The following FHIT variants were observed in gnomAD, a reference collection of about 807,000 sequenced individuals.
The protein encoded by FHIT is bis(5'-adenosyl)-triphosphatase.
FHIT carries 19 observed loss-of-function variants against 17.9 expected under a neutral mutation model. The ratio of observed to expected loss-of-function variants is 1.06; its 90% CI spans 0.74 to 1.56. FHIT has a LOEUF of 1.56. Ranked by LOEUF, FHIT falls within the 40% of genes most tolerant of loss-of-function variation. The pLI is 0.00. For synonymous variants in FHIT, 81 were observed against 69.7 expected (o/e 1.16, Z -0.81); for missense variants, 248 against 189.2 (o/e 1.31, Z -1.82).
intron 4 of FHIT, among the ~76,000 whole-genome samples, chr3:60,705,638 T>C (rs1243904002): frequency 3.3e-5 from 5 of 152,240 alleles, no homozygotes; most frequent in Non-Finnish European, 7.3e-5. Flanking sequence ...AAATTCATGG[T>C]TTCCAGTAAA....
At chr3:60,396,064 G>C (rs540051769) in intron 5 of FHIT, among the ~76,000 whole-genome samples, 4 of 152,112 alleles carry the variant, frequency 2.6e-5, no homozygotes, top group Non-Finnish European at 5.9e-5. Flanking sequence ...ACACTAGCTG[G>C]GGCTGATACC....
intron 2 of FHIT, among the ~76,000 whole-genome samples, chr3:61,095,568 G>T (rs180759685): frequency 6.6e-6 from 1 of 152,088 alleles, no homozygotes; most frequent in Admixed American, 6.6e-5. Context: ...TGACTCTGTA[G>T]GCATTTGCCA....
intron 4 of FHIT, among the ~76,000 whole-genome samples, chr3:60,820,480 A>G (rs1225588385): frequency 1.3e-5 from 2 of 152,242 alleles, no homozygotes; most frequent in Admixed American, 1.3e-4. Flanking sequence ...CTAAACAGGC[A>G]GGTGACCTGC....
chr3:60,514,068 C>T (rs1220994581), intron 5 of FHIT, among the ~76,000 whole-genome samples: 1 of 152,186 alleles, frequency 6.6e-6, no homozygotes, highest in Non-Finnish European at 1.5e-5. Flanking sequence ...AGCTCCCCAT[C>T]CTGCTGAGAT....
At chr3:60,946,692 G>C (rs1327893263) in intron 3 of FHIT, among the ~76,000 whole-genome samples, 1 of 152,114 alleles carries the variant, frequency 6.6e-6, no homozygotes, top group Admixed American at 6.5e-5. Flanking sequence ...CGGAGGAAGA[G>C]AAAAGGAACT....
rs146653652 is a variant in FHIT, at chr3:60,739,455, A to G, written c.-18+82464T>C. Among the ~76,000 whole-genome samples, 25 of 152,234 alleles carry G rather than the reference A, an allele frequency of 1.6e-4. No homozygotes were observed. In the East Asian group the frequency reaches 4.8e-3, roughly 29 times the overall value. Reference sequence around the variant, plus strand: ...CCATCTGTGTGCTCCCTCTCCCACAAGGGGTTTGAGTTCATGGTGGTTGAA... The same window carrying G: ...CCATCTGTGTGCTCCCTCTCCCACAGGGGGTTTGAGTTCATGGTGGTTGAA... On this transcript the variant is annotated intron_variant, in intron 4 of 9. Transcript: ENST00000492590.
At chr3:60,243,650 T>A (rs974829888) in intron 5 of FHIT, among the ~76,000 whole-genome samples, 5 of 152,142 alleles carry the variant, frequency 3.3e-5, no homozygotes, top group African/African-American at 9.6e-5. Context: ...CAGCAGAAAC[T>A]ATTATCTTGA....
chr3:60,013,898 A>G, intron 6 of FHIT, 109 bp downstream of exon 6: 1 of 1,191,170 alleles, frequency 8.4e-7, no homozygotes, highest in South Asian at 1.4e-5. Context: ...CTGCTACCTA[A>G]AATACAAACA....
chr3:60,901,552 G>C (rs1162932421), intron 3 of FHIT, among the ~76,000 whole-genome samples: 2 of 152,166 alleles, frequency 1.3e-5, no homozygotes, highest in Non-Finnish European at 2.9e-5. Flanking sequence ...GACGGCAAAA[G>C]GTAAAAAGTG....
At chr3:60,109,792 G>A (rs1351480614) in intron 5 of FHIT, among the ~76,000 whole-genome samples, 1 of 152,148 alleles carries the variant, frequency 6.6e-6, no homozygotes, top group East Asian at 1.9e-4. Context: ...TTCTGCAGGT[G>A]AAGTTCTTCT....
intron 5 of FHIT, among the ~76,000 whole-genome samples, chr3:60,042,315 A>G (rs895662815): frequency 1.3e-5 from 2 of 152,232 alleles, no homozygotes; most frequent in Non-Finnish European, 2.9e-5. Context: ...TAGTCCTACC[A>G]TCGATATATC....
intron 5 of FHIT, among the ~76,000 whole-genome samples, chr3:60,377,496 A>C: frequency 1.7e-5 from 1 of 57,242 alleles, no homozygotes; most frequent in Non-Finnish European, 3.1e-5. Context: ...TTTTTTTGAG[A>C]CGGAGTCTCG....
intron 8 of FHIT, among the ~76,000 whole-genome samples, chr3:59,814,118 G>T (rs1441069511): frequency 6.6e-6 from 1 of 151,684 alleles, no homozygotes; most frequent in Non-Finnish European, 1.5e-5. Flanking sequence ...TGCTATCCTT[G>T]GCAAATTAAA....
intron 4 of FHIT, among the ~76,000 whole-genome samples, chr3:60,778,818 G>C (rs1458995867): frequency 6.6e-6 from 1 of 152,160 alleles, no homozygotes; most frequent in Non-Finnish European, 1.5e-5. Context: ...CCTTTAAGGA[G>C]TCAAGCTCAA....
At chr3:60,826,152 T>A (rs1189969120) in intron 3 of FHIT, among the ~76,000 whole-genome samples, 1 of 128,250 alleles carries the variant, frequency 7.8e-6, no homozygotes, top group African/African-American at 3.0e-5. Flanking sequence ...GATGAATGGA[T>A]GGAAGGAAGG....
At chr3:60,123,970 AT>A (rs1705381617) in intron 5 of FHIT, among the ~76,000 whole-genome samples, 13 of 18,418 alleles carry the variant, frequency 7.1e-4, no homozygotes, top group East Asian at 5.5e-3. Context: ...CACTAAAAAT[AT>A]ATATATATAT....
intron 7 of FHIT, among the ~76,000 whole-genome samples, chr3:59,978,000 A>C (rs1031130393): frequency 4.6e-5 from 7 of 152,192 alleles, no homozygotes; most frequent in African/African-American, 1.7e-4. Flanking sequence ...TACAGTGTTA[A>C]TAAATGCATT....
intron 5 of FHIT, among the ~76,000 whole-genome samples, chr3:60,104,516 T>C (rs930255320): frequency 1.3e-5 from 2 of 151,018 alleles, no homozygotes; most frequent in South Asian, 2.1e-4. Context: ...AGTGGGCTTA[T>C]AGAATAGAAA....
intron 4 of FHIT, among the ~76,000 whole-genome samples, chr3:60,550,829 C>G (rs753604676): frequency 6.6e-6 from 1 of 152,074 alleles, no homozygotes; most frequent in Non-Finnish European, 1.5e-5. Flanking sequence ...GCCCTCTGCT[C>G]TCATGTAGTA....
Sources: gnomAD v4.1 joint callset for allele counts (sites outside exome capture counted in the v4.1 genomes callset) on GRCh38, gnomAD v4.1.1 for gene constraint, MANE v1.5 for transcripts, NCBI Gene and HGNC (gene_info 2026-07-23, HGNC 2026-07-21) for gene names.